Variants in ZFYVE16 observed in about 807,000 individuals in gnomAD.
ZFYVE16 encodes the protein zinc finger FYVE domain-containing protein 16.
Under a neutral mutation model 138.1 loss-of-function variants are expected in ZFYVE16, and 89 were observed. That is an observed-to-expected ratio of 0.64 (90% CI 0.54 to 0.77). The LOEUF (loss-of-function observed/expected upper bound fraction) is 0.77. Among genes scored for constraint, ZFYVE16 ranks in the 30% least tolerant of loss-of-function variants. ZFYVE16 has a pLI of 0.00. For synonymous variants in ZFYVE16, 596 were observed against 618.3 expected (o/e 0.96, Z 0.53); for missense variants, 1,793 against 1,786.7 (o/e 1.00, Z -0.06).
At chr5:80,443,582 G>A (rs1750963978) in intron 6 of ZFYVE16, among the ~76,000 whole-genome samples, 1 of 152,158 alleles carries the variant, frequency 6.6e-6, no homozygotes, top group African/African-American at 2.4e-5. Flanking sequence ...CTCAGATGTG[G>A]GAGTCAGAAG....
intron 18 of ZFYVE16, 140 bp from the exon 19 acceptor site, chr5:80,477,079 T>C (rs1051682059): frequency 1.8e-5 from 12 of 664,824 alleles, no homozygotes; most frequent in Non-Finnish European, 2.8e-5. Flanking sequence ...CAGGAGAATG[T>C]AGAATTTTTT....
intron 15 of ZFYVE16, among the ~76,000 whole-genome samples, chr5:80,464,663 G>C (rs1483777871): frequency 1.3e-5 from 2 of 152,010 alleles, no homozygotes; most frequent in Non-Finnish European, 2.9e-5. Context: ...ATGAATTGCT[G>C]ATTTTAGTAA....
intron 11 of ZFYVE16, chr5:80,454,878 A>T (rs984923856): frequency 1.3e-5 from 2 of 152,150 alleles, no homozygotes; most frequent in Non-Finnish European, 2.9e-5. Flanking sequence ...AAATTAGCAC[A>T]ATTGAATATT....
chr5:80,470,546 C>G (rs926402129), intron 15 of ZFYVE16, among the ~76,000 whole-genome samples: 16 of 152,000 alleles, frequency 1.1e-4, no homozygotes, highest in Admixed American at 8.5e-4. Flanking sequence ...GGATCTCGCT[C>G]TGTTGCCCAG....
At position 80,461,624 on chromosome 5, in the gene ZFYVE16, C is replaced by A. The variant is rs143894039; in HGVS notation, c.4024+2130C>A. Among the ~76,000 whole-genome samples the A allele has an allele frequency of 7.2e-4, 109 of 152,232 alleles. 2 individuals carry two copies. The highest frequency in any genetic ancestry group is 2.5e-3 in the African/African-American group (103 of 41,542). On this transcript the variant is annotated intron_variant, in intron 15 of 18. Transcript: ENST00000505560. ...TAAGGCTTGTCTCCTTGGCTTGTGG[C>A]CTTTTCTCTGTGTGACTCTCAGAGA...
intron 1 of ZFYVE16, 51 bp from the exon 2 acceptor site, chr5:80,427,441 C>T (rs1184226452): frequency 6.6e-6 from 1 of 151,872 alleles, no homozygotes; most frequent in East Asian, 1.9e-4. Context: ...AAGCCAGTGC[C>T]CTTCAACTTG....
intron 14 of ZFYVE16, among the ~76,000 whole-genome samples, chr5:80,458,711 A>G (rs1456592268): frequency 2.6e-5 from 4 of 152,184 alleles, no homozygotes; most frequent in African/African-American, 4.8e-5. Context: ...ATTTGAACCT[A>G]TCTGTAAGAT....
Position 80,438,813 on chromosome 5 carries a change from A to G in ZFYVE16, c.2128A>G (p.Ser710Gly). 1 of 1,614,116 alleles carries G rather than the reference A, an allele frequency of 6.2e-7. No individual in the cohort carries two copies. The highest frequency in any genetic ancestry group is 8.5e-7 in the Non-Finnish European group (1 of 1,179,976). ...CAACTCTAATTACATTGATATAGAA[A>G]GTAATTCTGAAGGTGGATCTAGTTT... Reference protein sequence around the residue: ...SFNSNYIDIESNSEGGSSFVT... With the variant: ...SFNSNYIDIEGNSEGGSSFVT... The change falls in exon 4 of 19, where the codon AGT becomes GGT. Residue 710 changes from serine (S) to glycine (G), a missense_variant. By Grantham distance (56) the Ser-to-Gly change is moderately conservative. Transcript: ENST00000505560.
In ZFYVE16 at chr5:80,438,163, C is replaced by G; in HGVS notation, c.1478C>G (p.Ser493Cys). The G allele has an allele frequency of 6.2e-7, 1 of 1,613,880 alleles. No homozygotes were observed. The change falls in exon 4 of 19, where the codon TCT (serine) becomes TGT (cysteine). Residue 493 changes from serine (S) to cysteine (C), a missense_variant. Physicochemically the swap from Ser to Cys is moderately radical, Grantham distance 112. Around this residue, in one of 2 missense-constraint regions of ZFYVE16, gnomAD observed 1,295 missense variants for 1,204.3 expected, o/e 1.08. Transcript: ENST00000505560. ...TCTGGCACTCATGTCCCAGAGTCTT[C>G]TGATTGTTGTGAAGGTTTTATTAAT... ...GLSGTHVPES[S>C]DCCEGFINTF...
chr5:80,435,638 A>T (rs1749794749), intron 3 of ZFYVE16: 2 of 335,696 alleles, frequency 6.0e-6, no homozygotes, highest in South Asian at 2.2e-5. Flanking sequence ...GTGCAGTCAT[A>T]GCTCACTGCA....
chr5:80,445,186 C>T (rs1258651316), intron 6 of ZFYVE16, 77 bp from the exon 7 acceptor site: 2 of 1,528,676 alleles, frequency 1.3e-6, no homozygotes, highest in Non-Finnish European at 1.8e-6. Context: ...CTTTTGAAAA[C>T]ATTTCACAAT....
intron 5 of ZFYVE16, 53 bp downstream of exon 5, chr5:80,440,085 T>A: frequency 6.5e-7 from 1 of 1,545,528 alleles, no homozygotes; most frequent in South Asian, 1.2e-5. Flanking sequence ...ATCTTAAAAT[T>A]AATTGGATTG....
rs73121735 is a variant in ZFYVE16 at position 80,412,382 on chromosome 5, A to G, written c.-94+4229A>G. 9.1e-3 allele frequency among the ~76,000 whole-genome samples: 1,391 copies of G among 152,270 alleles called. 27 individuals carry two copies. Among genetic ancestry groups the G allele is most frequent in the African/African-American group, 0.032 (1,323 of 41,554 alleles). ...GTTATATGTATACATAAATAAACCT[A>G]TTTTAAAAGGGAGTATATCTTATAT... On this transcript the variant is annotated intron_variant, in intron 1 of 18. Transcript: ENST00000505560.
At chr5:80,471,599 G>A (rs963304010) in intron 15 of ZFYVE16, among the ~76,000 whole-genome samples, 1 of 152,114 alleles carries the variant, frequency 6.6e-6, no homozygotes, top group South Asian at 2.1e-4. Context: ...ACCAGAAGGC[G>A]GTGACCCCCC....
intron 8 of ZFYVE16, 109 bp downstream of exon 8, chr5:80,448,513 A>G: frequency 9.4e-7 from 1 of 1,063,630 alleles, no homozygotes; most frequent in South Asian, 3.4e-5. Flanking sequence ...TGCAATATGT[A>G]CTAAGGCTGG....
chr5:80,416,613 TC>T lies in ZFYVE16; in HGVS notation c.-94+8463del, dbSNP rs1487508008. 3.3e-5 allele frequency among the ~76,000 whole-genome samples: 5 copies of T among 151,752 alleles called. No homozygotes were observed. In the East Asian group the frequency reaches 9.7e-4, roughly 29 times the overall value. ...ACTTCAGTACTGCTCTTTTATTTTGTCCCAGCTTTGGCCTTTGGGAGTTCTT... is the reference window on the plus strand; with the variant it reads ...ACTTCAGTACTGCTCTTTTATTTTGTCCAGCTTTGGCCTTTGGGAGTTCTT... On this transcript the variant is annotated intron_variant, in intron 1 of 18. Coordinates refer to ENST00000505560, the MANE Select transcript of ZFYVE16 (RefSeq NM_001284236.3).
chr5:80,441,692 T>C, intron 5 of ZFYVE16: 24 of 985,238 alleles, frequency 2.4e-5, no homozygotes, highest in Non-Finnish European at 2.8e-5. Context: ...CACACGTGAA[T>C]ATCAATAAGT....
chr5:80,430,838 GA>G (rs1367533016), intron 2 of ZFYVE16, among the ~76,000 whole-genome samples: 1 of 152,196 alleles, frequency 6.6e-6, no homozygotes, highest in Non-Finnish European at 1.5e-5. Flanking sequence ...AGGAAATCTA[GA>G]AGAAATGGAT....
intron 1 of ZFYVE16, among the ~76,000 whole-genome samples, chr5:80,421,134 G>C (rs1747100486): frequency 6.6e-6 from 1 of 152,096 alleles, no homozygotes; most frequent in Non-Finnish European, 1.5e-5. Flanking sequence ...CCCACTTTTT[G>C]ATGGGGTTGT....
Sources: allele counts gnomAD v4.1 joint callset (sites outside exome capture counted in the v4.1 genomes callset), GRCh38; gene constraint gnomAD v4.1.1; regional missense constraint gnomAD v4.1.1; transcripts MANE v1.5; gene names NCBI Gene and HGNC (gene_info 2026-07-23, HGNC 2026-07-21).